The following RFC3 variants were observed in gnomAD, a reference collection of about 807,000 sequenced individuals.
The protein encoded by RFC3 is A1 38 kDa subunit.
A neutral mutation model predicts 45.1 loss-of-function variants in RFC3; 41 were observed. The observed-to-expected ratio is 0.91, with a 90% confidence interval of 0.71 to 1.18. RFC3 has a LOEUF of 1.18. Ranked by LOEUF, RFC3 falls within the 50% of genes most tolerant of loss-of-function variation. The probability of loss-of-function intolerance (pLI) is 0.00; values close to 1 mark genes in which losing one functional copy is unlikely to be tolerated. For synonymous variants in RFC3, 149 were observed against 144.0 expected (o/e 1.03, Z -0.25); for missense variants, 423 against 428.1 (o/e 0.99, Z 0.10).
At chr13:33,825,927 A>G (rs2082045369) in intron 4 of RFC3, 41 bp downstream of exon 4, 1 of 1,245,910 alleles carries the variant, frequency 8.0e-7, no homozygotes, top group Non-Finnish European at 1.2e-6. Flanking sequence ...GCTGCCAAGC[A>G]TTAGTGCTCT....
intron 5 of RFC3, among the ~76,000 whole-genome samples, chr13:33,830,385 G>A (rs955877351): frequency 6.6e-6 from 1 of 152,092 alleles, no homozygotes. Flanking sequence ...CTAGTCCCTA[G>A]GAAGGGAATT....
chr13:33,855,631 A>G (rs988088129), intron 8 of RFC3, among the ~76,000 whole-genome samples: 2 of 152,168 alleles, frequency 1.3e-5, no homozygotes, highest in Non-Finnish European at 2.9e-5. Flanking sequence ...CAACCTTGCC[A>G]GCACTGGTTA....
At chr13:33,891,506 G>A (rs533770449) in intron 8 of RFC3, among the ~76,000 whole-genome samples, 1 of 152,260 alleles carries the variant, frequency 6.6e-6, no homozygotes, top group African/African-American at 2.4e-5. Flanking sequence ...AGACAAAAAG[G>A]TACTTAGTGG....
intron 8 of RFC3, among the ~76,000 whole-genome samples, chr13:33,937,179 A>C (rs1289267320): frequency 6.6e-6 from 1 of 152,130 alleles, no homozygotes; most frequent in South Asian, 2.1e-4. Flanking sequence ...TGTTCACCTT[A>C]CCTTTTCTAT....
intron 8 of RFC3, among the ~76,000 whole-genome samples, chr13:33,915,864 T>C (rs977984488): frequency 1.3e-5 from 2 of 152,134 alleles, no homozygotes; most frequent in Admixed American, 6.5e-5. Context: ...AGCGGTGCGA[T>C]CTCGGCTCAT....
At chr13:33,927,995 T>C (rs188225977) in intron 8 of RFC3, among the ~76,000 whole-genome samples, 6 of 152,266 alleles carry the variant, frequency 3.9e-5, no homozygotes, top group Admixed American at 6.5e-5. Flanking sequence ...TAACATCTAA[T>C]AACTCATTTA....
At chr13:33,914,845 A>C (rs930637706) in intron 8 of RFC3, among the ~76,000 whole-genome samples, 36 of 152,312 alleles carry the variant, frequency 2.4e-4, no homozygotes, top group African/African-American at 8.4e-4. Context: ...CTATGTTTAT[A>C]GCTATGCAAA....
intron 8 of RFC3, among the ~76,000 whole-genome samples, chr13:33,926,474 A>C (rs186715897): frequency 1.7e-3 from 256 of 152,272 alleles, no homozygotes; most frequent in African/African-American, 6.0e-3. Context: ...TTTAAAAAGT[A>C]ATTATAAATA....
chr13:33,849,227 G>C (rs953079104), intron 8 of RFC3: 11 of 152,294 alleles, frequency 7.2e-5, no homozygotes, highest in African/African-American at 2.7e-4. Flanking sequence ...ACCTGAAGCA[G>C]GAAGGAATAT....
chr13:33,899,988 A>G lies in RFC3; in HGVS notation c.879+64771A>G, dbSNP rs77420178. On this transcript the variant is annotated intron_variant, in intron 8 of 8. Transcript: ENST00000434425. ...ATTTAATTGAATAAGTGAAAGATCT[A>G]TACAAGAAAACCTGTAAAACAGTGA... 6.5e-3 allele frequency among the ~76,000 whole-genome samples: 994 copies of G among 152,080 alleles called. 9 individuals are homozygous for G. Among genetic ancestry groups the G allele is most frequent in the African/African-American group, 0.023 (944 of 41,570 alleles).
At chr13:33,916,238 ACT>A (rs1391186214) in intron 8 of RFC3, among the ~76,000 whole-genome samples, 1 of 152,118 alleles carries the variant, frequency 6.6e-6, no homozygotes, top group African/African-American at 2.4e-5. Flanking sequence ...CTTTGGAGCC[ACT>A]CTTACCATCT....
chr13:33,901,407 G>A (rs1286743490), intron 8 of RFC3, among the ~76,000 whole-genome samples: 1 of 152,032 alleles, frequency 6.6e-6, no homozygotes, highest in African/African-American at 2.4e-5. Context: ...AGAACTGGAG[G>A]TCATTATTTT....
chr13:33,977,005 G>A, the RFC3 span, among the ~76,000 whole-genome samples: 1 of 152,076 alleles, frequency 6.6e-6, no homozygotes, highest in Non-Finnish European at 1.5e-5. Context: ...ACTTCTGTGG[G>A]CTTCCTTCCA....
intron 8 of RFC3, among the ~76,000 whole-genome samples, chr13:33,945,344 A>C (rs1042845959): frequency 1.3e-5 from 2 of 152,234 alleles, no homozygotes; most frequent in Non-Finnish European, 2.9e-5. Flanking sequence ...AGACTTCAAA[A>C]TATCCTTACG....
intron 8 of RFC3, among the ~76,000 whole-genome samples, chr13:33,872,786 A>C: frequency 2.4e-5 from 2 of 82,598 alleles, no homozygotes; most frequent in East Asian, 4.3e-4. Context: ...AAAAGAAAGA[A>C]ACCAAACCCC....
chr13:33,865,257 A>G (rs932592122), intron 8 of RFC3, among the ~76,000 whole-genome samples: 4 of 152,212 alleles, frequency 2.6e-5, no homozygotes, highest in East Asian at 1.9e-4. Context: ...AAATATTTCT[A>G]TAATGATTGT....
downstream of RFC3, among the ~76,000 whole-genome samples, chr13:33,967,605 AGCCACCCAAGTAGCTGGGATTACAGGC>A (rs1566046132): frequency 1.2e-4 from 18 of 148,766 alleles, no homozygotes; most frequent in Non-Finnish European, 1.9e-4. Flanking sequence ...CTCCTGCCTC[AGCCACCCAAGTAGCTGGGATTACAGGC>A]ACACACCACC....
chr13:33,967,476 A>G (rs531526668), downstream of RFC3, among the ~76,000 whole-genome samples: 88 of 142,390 alleles, frequency 6.2e-4, no homozygotes, highest in African/African-American at 2.2e-3. Flanking sequence ...CTTAGTTTAA[A>G]CCAGCAATTC....
chr13:33,907,284 C>G (rs2082677569), intron 8 of RFC3, among the ~76,000 whole-genome samples: 1 of 152,076 alleles, frequency 6.6e-6, no homozygotes, highest in Non-Finnish European at 1.5e-5. Flanking sequence ...GAAGTGGAAA[C>G]AATTGAGTTG....
Sources: allele counts gnomAD v4.1 joint callset (sites outside exome capture counted in the v4.1 genomes callset), GRCh38; gene constraint gnomAD v4.1.1; transcripts MANE v1.5; gene names NCBI Gene and HGNC (gene_info 2026-07-23, HGNC 2026-07-21).